RANBP17: variants seen among roughly 807,000 people sequenced by gnomAD.
RANBP17 encodes the protein ran-binding protein 17.
In RANBP17, 158 loss-of-function variants were observed where a neutral mutation model predicts 141.2. The observed-to-expected ratio is 1.12, with a 90% CI of 0.98 to 1.28. The LOEUF (loss-of-function observed/expected upper bound fraction) is 1.28, where lower values mean the gene tolerates loss of function less well. Ranked by LOEUF, RANBP17 falls within the 50% of genes most tolerant of loss-of-function variation. The probability of loss-of-function intolerance (pLI) is 0.00; values close to 1 mark genes in which losing one functional copy is unlikely to be tolerated. For synonymous variants in RANBP17, 430 were observed against 450.0 expected (o/e 0.96, Z 0.56); for missense variants, 1,438 against 1,290.7 (o/e 1.11, Z -1.75).
intron 12 of RANBP17, among the ~76,000 whole-genome samples, chr5:170,925,672 TAAC>T (rs941202133): frequency 4.1e-4 from 62 of 152,300 alleles, no homozygotes; most frequent in African/African-American, 1.5e-3. Flanking sequence ...AGAAAATACT[TAAC>T]AATCTTGAAT....
At chr5:171,043,891 A>C (rs1782407130) in intron 14 of RANBP17, among the ~76,000 whole-genome samples, 1 of 152,200 alleles carries the variant, frequency 6.6e-6, no homozygotes, top group African/African-American at 2.4e-5. Flanking sequence ...AAACTAGCCA[A>C]CATGAAACTA....
chr5:170,919,381 G>T, intron 10 of RANBP17, 60 bp from the exon 11 acceptor site: 1 of 1,154,396 alleles, frequency 8.7e-7, no homozygotes, highest in East Asian at 2.5e-5. Context: ...ATTTTATTCT[G>T]TAATTCTTAT....
chr5:171,026,224 C>T (rs776805371), intron 14 of RANBP17, among the ~76,000 whole-genome samples: 1 of 152,196 alleles, frequency 6.6e-6, no homozygotes, highest in Non-Finnish European at 1.5e-5. Flanking sequence ...TTGCTGTTCA[C>T]TAGGCTACAT....
At chr5:171,233,869 G>A (rs1176113918) in intron 22 of RANBP17, among the ~76,000 whole-genome samples, 1 of 152,120 alleles carries the variant, frequency 6.6e-6, no homozygotes, top group Non-Finnish European at 1.5e-5. Flanking sequence ...AACAGTGAAC[G>A]CTGATGTAAA....
rs1342919212 is a variant in RANBP17, at chr5:171,171,300, T to A, written c.1865+14T>A. 7.1e-7 allele frequency: 1 copy of A among 1,411,292 alleles called. No individual in the cohort carries two copies. 87.4% of individuals were successfully genotyped at this position (1,411,292 alleles called of 1,614,324 possible). On this transcript the variant is annotated intron_variant, in intron 16 of 27. Transcript: ENST00000523189. ...CCTTTCTGTTGGATATCCTTTTCAC[T>A]GTATATCTGACATTATGTGTAAACA...
At position 170,919,593 on chromosome 5, in the gene RANBP17, C is replaced by A; in HGVS notation, c.1254C>A (p.Asp418Glu). 1 of 1,600,094 alleles carries A rather than the reference C, an allele frequency of 6.2e-7. No homozygotes were observed. Among genetic ancestry groups the A allele is most frequent in the Non-Finnish European group, 8.5e-7 (1 of 1,175,744 alleles). The change falls in exon 11 of 28, where the codon GAC becomes GAA. Residue 418 changes from aspartate to glutamate, a missense_variant. Physicochemically the swap from Asp to Glu is conservative, Grantham distance 45. Coordinates refer to ENST00000523189, the MANE Select transcript of RANBP17 (RefSeq NM_022897.5). ...AGGCCTTTATCACTTCTCGGTTGGA[C>A]TCTGTTGCCATAGTTGTGAGGTATT... The part of the protein sequence containing the change: ...ITKAFITSRL[D>E]SVAIVVRDHL...
At chr5:170,967,915 CTGTAG>C (rs1163117557) in intron 13 of RANBP17, among the ~76,000 whole-genome samples, 2 of 151,306 alleles carry the variant, frequency 1.3e-5, no homozygotes, top group African/African-American at 2.4e-5. Context: ...TAAATTTTTA[CTGTAG>C]TATAGGGTTT....
intron 14 of RANBP17, among the ~76,000 whole-genome samples, chr5:171,102,895 C>G (rs1787273194): frequency 6.6e-6 from 1 of 152,156 alleles, no homozygotes; most frequent in Non-Finnish European, 1.5e-5. Context: ...GGGGCCCACA[C>G]CAGACCCTGT....
intron 19 of RANBP17, among the ~76,000 whole-genome samples, chr5:171,202,529 G>T (rs956488421): frequency 6.6e-6 from 1 of 152,082 alleles, no homozygotes; most frequent in African/African-American, 2.4e-5. Flanking sequence ...AAAAGTTTTC[G>T]CACTAAGTGC....
intron 22 of RANBP17, among the ~76,000 whole-genome samples, chr5:171,227,491 G>A (rs1763948223): frequency 6.6e-6 from 1 of 152,218 alleles, no homozygotes; most frequent in South Asian, 2.1e-4. Context: ...TGGTTCATGA[G>A]GTTTACAGAA....
rs151324139 is a variant in RANBP17, at chr5:171,076,936, A to G, written c.1711-93194A>G. 2.0e-3 allele frequency among the ~76,000 whole-genome samples: 300 copies of G among 152,284 alleles called. 1 individual carries two copies. Among genetic ancestry groups the G allele is most frequent in the African/African-American group, 7.0e-3 (291 of 41,552 alleles). ...TCTCTATGGACATATCTAACAAATA[A>G]ATGAAGGAGGAAGGAATGAGAATTA... On this transcript the variant is annotated intron_variant, in intron 14 of 27. Transcript: ENST00000523189.
At chr5:170,895,978 G>A (rs1172534887) in intron 4 of RANBP17, 72 bp from the exon 5 acceptor site, 14 of 722,156 alleles carry the variant, frequency 1.9e-5, no homozygotes, top group Non-Finnish European at 2.8e-5. Flanking sequence ...GTTTGTAAAT[G>A]TTACCTGGTA....
At chr5:171,245,517 T>C (rs1233128329) in intron 24 of RANBP17, among the ~76,000 whole-genome samples, 2 of 152,092 alleles carry the variant, frequency 1.3e-5, no homozygotes, top group Non-Finnish European at 2.9e-5. Flanking sequence ...TTTCTCCATG[T>C]TGGTCAGGCT....
At chr5:171,076,112 T>C (rs1274211861) in intron 14 of RANBP17, among the ~76,000 whole-genome samples, 1 of 152,206 alleles carries the variant, frequency 6.6e-6, no homozygotes, top group African/African-American at 2.4e-5. Context: ...GACAAAATAC[T>C]TGAAACAGTT....
At chr5:171,029,516 T>C (rs1562003517) in intron 14 of RANBP17, among the ~76,000 whole-genome samples, 2 of 152,146 alleles carry the variant, frequency 1.3e-5, no homozygotes, top group East Asian at 3.9e-4. Flanking sequence ...GAGGTCTTTG[T>C]TGGCTTGCCA....
rs1048965807 is a variant in RANBP17 at position 171,299,155 on chromosome 5, C to T, written c.*297C>T. On this transcript the variant is annotated 3_prime_UTR_variant, in exon 28 of 28. Coordinates refer to ENST00000523189, the MANE Select transcript of RANBP17 (RefSeq NM_022897.5). ...GTAGAAACAATATTTAACCAAAGAA[C>T]GTAATAAACCAGGTTTGCACCTAAG... The T allele has an allele frequency of 5.2e-5, 16 of 304,764 alleles. No homozygotes were observed. Among genetic ancestry groups the T allele is most frequent in the East Asian group, 3.5e-4 (7 of 19,960 alleles). The allele number at this position is 304,764 out of a possible 1,614,324, so 18.9% of individuals were successfully genotyped here. A position where few individuals can be genotyped will look rare whatever the true frequency, so the allele number is the denominator to read the frequency against.
intron 22 of RANBP17, among the ~76,000 whole-genome samples, chr5:171,225,421 G>T (rs1041062202): frequency 6.6e-6 from 1 of 152,216 alleles, no homozygotes; most frequent in Non-Finnish European, 1.5e-5. Flanking sequence ...TCAGCCATCT[G>T]ATTTGTCTGT....
chr5:171,043,499 A>G (rs919202976), intron 14 of RANBP17, among the ~76,000 whole-genome samples: 6 of 152,198 alleles, frequency 3.9e-5, no homozygotes, highest in Admixed American at 2.6e-4. Flanking sequence ...TGTAATTCAT[A>G]GGCCATATGC....
intron 14 of RANBP17, among the ~76,000 whole-genome samples, chr5:171,151,753 T>C (rs1313770067): frequency 6.6e-6 from 1 of 152,132 alleles, no homozygotes; most frequent in African/African-American, 2.4e-5. Context: ...GTTCCTAGCC[T>C]TTCTCGAACC....
Sources: gnomAD v4.1 joint callset for allele counts (sites outside exome capture counted in the v4.1 genomes callset) on GRCh38, gnomAD v4.1.1 for gene constraint, MANE v1.5 for transcripts, NCBI Gene and HGNC (gene_info 2026-07-23, HGNC 2026-07-21) for gene names.